The following KRABD1 variants were observed in gnomAD, a reference collection of about 807,000 sequenced individuals.
The protein encoded by KRABD1 is KRAB domain-containing protein 1.
the KRABD1 span, chr3:42,938,822 C>A: frequency 5.6e-6 from 6 of 1,064,618 alleles, no homozygotes; most frequent in South Asian, 8.6e-5. Context: ...AAGTTATTAT[C>A]GTTAATGTTT....
chr3:42,941,540 AGAGGT>A, the KRABD1 span, among the ~76,000 whole-genome samples: 2 of 152,052 alleles, frequency 1.3e-5, no homozygotes, highest in Non-Finnish European at 2.9e-5. Context: ...TACCTGCCTC[AGAGGT>A]GATTCTGAGT....
chr3:42,939,022 C>T, the KRABD1 span: 2 of 912,452 alleles, frequency 2.2e-6, no homozygotes, highest in Non-Finnish European at 3.3e-6. Context: ...CTATATTACA[C>T]ATTTACATAT....
chr3:42,941,040 A>T, the KRABD1 span, among the ~76,000 whole-genome samples: 2 of 152,182 alleles, frequency 1.3e-5, no homozygotes, highest in Admixed American at 1.3e-4. Context: ...CTGAACTCTG[A>T]CTGGCTACTT....
the KRABD1 span, chr3:42,942,546 G>C: frequency 8.0e-7 from 1 of 1,250,872 alleles, no homozygotes. Context: ...AGGATACTTG[G>C]AACTAAGAAG....
At chr3:42,939,016 A>G in the KRABD1 span, 5 of 987,970 alleles carry the variant, frequency 5.1e-6, no homozygotes, top group Non-Finnish European at 7.4e-6. Context: ...AAATATCTAT[A>G]TTACACATTT....
At chr3:42,942,598 C>G in the KRABD1 span, 1 of 1,447,280 alleles carries the variant, frequency 6.9e-7, no homozygotes, top group East Asian at 2.6e-5. Flanking sequence ...AGAATAGTAT[C>G]AAAAATTTTT....
At chr3:42,939,506 T>C in the KRABD1 span, among the ~76,000 whole-genome samples, 1 of 152,186 alleles carries the variant, frequency 6.6e-6, no homozygotes, top group African/African-American at 2.4e-5. Context: ...TGGGCTACCA[T>C]GAATAAGAAT....
chr3:42,938,980 T>G, the KRABD1 span: 1 of 1,359,656 alleles, frequency 7.4e-7, no homozygotes, highest in Non-Finnish European at 1.0e-6. Context: ...TGTATATACA[T>G]ATGTGTTTAT....
chr3:42,941,163 A>T, the KRABD1 span: 1 of 1,495,418 alleles, frequency 6.7e-7, no homozygotes, highest in Non-Finnish European at 9.0e-7. Flanking sequence ...CAGGTCTCTC[A>T]TTGGCAGATT....
chr3:42,940,215 A>G, the KRABD1 span, among the ~76,000 whole-genome samples: 3 of 152,208 alleles, frequency 2.0e-5, no homozygotes, highest in Non-Finnish European at 4.4e-5. Flanking sequence ...ATTCAGGATT[A>G]TGTATTGAAA....
At chr3:42,938,850 C>T in the KRABD1 span, 3 of 1,420,126 alleles carry the variant, frequency 2.1e-6, no homozygotes, top group African/African-American at 1.4e-5. Context: ...TTACCTTCAG[C>T]ACCTGAGACT....
the KRABD1 span, chr3:42,941,975 C>T: frequency 1.2e-5 from 18 of 1,535,608 alleles, no homozygotes; most frequent in African/African-American, 1.2e-4. Flanking sequence ...CACTTCCAAA[C>T]CAGCTTTGGT....
the KRABD1 span, chr3:42,941,218 C>T: frequency 4.5e-6 from 7 of 1,547,686 alleles, no homozygotes; most frequent in Admixed American, 3.9e-5. Context: ...AGGAACTTGT[C>T]GTTTCAGGAA....
chr3:42,941,469 T>C, the KRABD1 span: 1 of 1,117,976 alleles, frequency 8.9e-7, no homozygotes, highest in Non-Finnish European at 1.2e-6. Context: ...AAAGCCCTGG[T>C]GTCTATTGAC....
At chr3:42,937,426 C>G in the KRABD1 span, 1 of 152,174 alleles carries the variant, frequency 6.6e-6, no homozygotes, top group African/African-American at 2.4e-5. Flanking sequence ...CAGATCAGAC[C>G]TTTTTGCTTA....
chr3:42,938,979 A>G, the KRABD1 span: 36 of 1,365,064 alleles, frequency 2.6e-5, no homozygotes, highest in Non-Finnish European at 3.3e-5. Context: ...GTGTATATAC[A>G]TATGTGTTTA....
At chr3:42,941,928 A>G in the KRABD1 span, 6 of 1,342,646 alleles carry the variant, frequency 4.5e-6, no homozygotes, top group Admixed American at 2.0e-5. Flanking sequence ...TATGCTCATT[A>G]TTGTGTTATG....
the KRABD1 span, chr3:42,941,255 G>T: frequency 6.3e-7 from 1 of 1,576,836 alleles, no homozygotes; most frequent in Non-Finnish European, 8.6e-7. Context: ...ACGTGGCTGT[G>T]TACTTCACTA....
the KRABD1 span, chr3:42,938,768 A>C: frequency 1.8e-6 from 1 of 558,388 alleles, no homozygotes; most frequent in African/African-American, 1.8e-5. Context: ...TATAGCCTTC[A>C]AAACAGATGG....
Sources: allele counts gnomAD v4.1 joint callset (sites outside exome capture counted in the v4.1 genomes callset), GRCh38; gene constraint gnomAD v4.1.1; transcripts MANE v1.5; gene names NCBI Gene and HGNC (gene_info 2026-07-23, HGNC 2026-07-21).